The following PCNX2 variants were observed in gnomAD, a reference collection of about 807,000 sequenced individuals.
PCNX2 encodes pecanex-like protein 2.
In PCNX2, 168 loss-of-function variants were observed where a neutral mutation model predicts 223.8. That is an observed-to-expected ratio of 0.75 (90% CI 0.66 to 0.85). The LOEUF is 0.85. PCNX2 is among the 40% of genes least tolerant of loss of function. The pLI, the probability that PCNX2 is intolerant of heterozygous loss-of-function variation, is 0.00. For synonymous variants in PCNX2, 1,006 were observed against 1,052.6 expected (o/e 0.96, Z 0.86); for missense variants, 2,507 against 2,675.5 (o/e 0.94, Z 1.39).
the PCNX2 span, among the ~76,000 whole-genome samples, chr1:233,321,388 C>T: frequency 1.3e-5 from 2 of 152,250 alleles, no homozygotes; most frequent in South Asian, 4.1e-4. Context: ...ACCTCTGCCT[C>T]CCAGGCTCAA....
intron 22 of PCNX2, among the ~76,000 whole-genome samples, chr1:233,091,360 C>T (rs78955380): frequency 0.017 from 2,547 of 151,624 alleles, 30 homozygotes; most frequent in East Asian, 0.042. Flanking sequence ...ATGCTTGGCA[C>T]AGACAGGAAG....
At chr1:233,027,819 A>G (rs1056831487) in intron 25 of PCNX2, among the ~76,000 whole-genome samples, 2 of 152,202 alleles carry the variant, frequency 1.3e-5, no homozygotes, top group African/African-American at 4.8e-5. Flanking sequence ...CTAGTTTGCC[A>G]AACGCTGGCT....
chr1:232,994,290 A>C (rs553251428), intron 32 of PCNX2, among the ~76,000 whole-genome samples: 4 of 152,274 alleles, frequency 2.6e-5, no homozygotes, highest in Non-Finnish European at 5.9e-5. Flanking sequence ...TGACCTGGAC[A>C]TGAGACATGG....
chr1:233,273,813 C>T (rs528251523), intron 1 of PCNX2, among the ~76,000 whole-genome samples: 52 of 152,038 alleles, frequency 3.4e-4, no homozygotes, highest in African/African-American at 1.1e-3. Flanking sequence ...TTAGTGGAGA[C>T]GGGGTTTCAC....
At chr1:233,305,718 G>T in the PCNX2 span, among the ~76,000 whole-genome samples, 469 of 152,326 alleles carry the variant, frequency 3.1e-3, 3 homozygotes, top group African/African-American at 0.011. Context: ...GCCTCACAAA[G>T]TACTGGGATT....
chr1:233,086,893 T>C (rs1470905139), intron 23 of PCNX2: 1 of 477,262 alleles, frequency 2.1e-6, no homozygotes, highest in African/African-American at 2.1e-5. Context: ...TGCAGGCTTT[T>C]GAGGAGAAGA....
intron 26 of PCNX2, chr1:233,019,315 A>G: frequency 1.8e-6 from 1 of 548,678 alleles, no homozygotes; most frequent in South Asian, 7.9e-5. Context: ...TGAAATCTGC[A>G]GACAATAACT....
At chr1:233,252,227 T>C in intron 7 of PCNX2, 127 bp downstream of exon 7, 1 of 1,148,550 alleles carries the variant, frequency 8.7e-7, no homozygotes, top group Non-Finnish European at 1.2e-6. Context: ...GAACAGTATG[T>C]GGGCAACCAC....
At chr1:233,208,011 A>C (rs903523166) in intron 13 of PCNX2, among the ~76,000 whole-genome samples, 1 of 151,958 alleles carries the variant, frequency 6.6e-6, no homozygotes, top group Non-Finnish European at 1.5e-5. Flanking sequence ...GCTGGAGAGC[A>C]ATGGCGTGAT....
chr1:233,252,387 C>T lies in PCNX2; in HGVS notation c.2095G>A (p.Val699Met), dbSNP rs569541920. ...PETSVQEEISVDAMHVFIDEH... is the reference protein window; with the variant it reads ...PETSVQEEISMDAMHVFIDEH... ...TCAATGAAGACATGCATAGCATCCA[C>T]AGATATCTCTTCTTGTACAGATGTT... Residue 699 changes from valine (V) to methionine (M), a missense_variant, in exon 7 of 34, where the codon GTG becomes ATG. Around this residue, in one of 3 missense-constraint regions of PCNX2, gnomAD observed 1,031 missense variants for 1,021.7 expected, o/e 1.01. Transcript: ENST00000258229. The T allele has an allele frequency of 6.2e-7, 1 of 1,612,494 alleles. No individual in the cohort carries two copies. Among genetic ancestry groups the T allele is most frequent in the East Asian group, 2.2e-5 (1 of 44,842 alleles).
At chr1:233,198,248 T>C (rs945554276) in intron 15 of PCNX2, among the ~76,000 whole-genome samples, 2 of 152,238 alleles carry the variant, frequency 1.3e-5, no homozygotes, top group Admixed American at 1.3e-4. Context: ...GATTTTCTAA[T>C]ATGGAAGACA....
At chr1:233,283,030 A>AAAAT in intron 1 of PCNX2, among the ~76,000 whole-genome samples, 1 of 151,918 alleles carries the variant, frequency 6.6e-6, no homozygotes, top group East Asian at 1.9e-4. Context: ...CTAAAAAAAA[A>AAAAT]AATAATAATA....
intron 16 of PCNX2, among the ~76,000 whole-genome samples, 171 bp downstream of exon 16, chr1:233,178,895 T>G (rs1679636938): frequency 6.6e-6 from 1 of 152,246 alleles, no homozygotes; most frequent in Non-Finnish European, 1.5e-5. Flanking sequence ...AGTTTCTGGC[T>G]GGTCCTGTAT....
chr1:233,149,719 G>T (rs1273281551), intron 19 of PCNX2, among the ~76,000 whole-genome samples: 1 of 152,104 alleles, frequency 6.6e-6, no homozygotes, highest in Non-Finnish European at 1.5e-5. Context: ...TAGAATGAAT[G>T]CAGGGTAAAG....
At chr1:233,175,504 G>C (rs981136024) in intron 17 of PCNX2, among the ~76,000 whole-genome samples, 9 of 151,958 alleles carry the variant, frequency 5.9e-5, no homozygotes, top group African/African-American at 1.5e-4. Flanking sequence ...ATCTTCATTA[G>C]TCATGAAATC....
At chr1:233,317,655 T>A in the PCNX2 span, among the ~76,000 whole-genome samples, 1 of 151,844 alleles carries the variant, frequency 6.6e-6, no homozygotes, top group Non-Finnish European at 1.5e-5. Flanking sequence ...TAGGAAAATA[T>A]ACTAAATGAG....
At chr1:233,151,009 C>A (rs1237037830) in intron 19 of PCNX2, among the ~76,000 whole-genome samples, 1 of 151,890 alleles carries the variant, frequency 6.6e-6, no homozygotes, top group East Asian at 1.9e-4. Context: ...CTCACTGTGG[C>A]CACAGGGTAG....
intron 32 of PCNX2, among the ~76,000 whole-genome samples, chr1:232,987,190 AGG>A (rs1669523526): frequency 1.3e-5 from 2 of 152,154 alleles, no homozygotes; most frequent in Non-Finnish European, 2.9e-5. Flanking sequence ...CTCGCCCCTC[AGG>A]GGCCCTGCCA....
rs67108893 is a variant in PCNX2, at chr1:233,263,452, ATTTTT to A, written c.154-294_154-290del. On this transcript the variant is annotated intron_variant, in intron 1 of 33. Transcript: ENST00000258229. ...AAGATATATTCGAGGAAACCTCTCC[ATTTTT>A]TTTTTTTTTTTTTTTTGAGACAGTG... Among the ~76,000 whole-genome samples the A allele has an allele frequency of 6.5e-3, 820 of 126,732 alleles. 6 individuals carry two copies. The highest frequency in any genetic ancestry group is 0.021 in the African/African-American group (679 of 32,636). The allele number at this position is 126,732 out of a possible 152,430, so 83.1% of individuals were successfully genotyped here. A position where few individuals can be genotyped will look rare whatever the true frequency, so the allele number is the denominator to read the frequency against.
Sources: allele counts gnomAD v4.1 joint callset (sites outside exome capture counted in the v4.1 genomes callset), GRCh38; gene constraint gnomAD v4.1.1; regional missense constraint gnomAD v4.1.1; transcripts MANE v1.5; gene names NCBI Gene and HGNC (gene_info 2026-07-23, HGNC 2026-07-21).